The following CCNY variants were observed in gnomAD, a reference collection of about 807,000 sequenced individuals.
The protein encoded by CCNY is cyclin Y, also known as cyclin-Y.
A neutral mutation model predicts 42.8 loss-of-function variants in CCNY; 19 were observed. The observed-to-expected ratio is 0.44, with a 90% CI of 0.31 to 0.65. CCNY has a LOEUF of 0.65. Ranked by LOEUF, CCNY falls within the 30% of genes least tolerant of loss-of-function variation. CCNY has a pLI of 0.07. For synonymous variants in CCNY, 165 were observed against 162.7 expected, an observed-to-expected ratio of 1.01 and a Z score of -0.11; for missense variants, 370 against 437.3, an observed-to-expected ratio of 0.85 and a Z score of 1.37.
Position 35,251,639 on chromosome 10 carries a change from AAGAC to A in CCNY, c.-9+1016_-9+1019del, listed in dbSNP as rs1190717998. On this transcript the variant is annotated intron_variant, in intron 3 of 11. Transcript: ENST00000374706. ...GATCTCGCTCTGTCATGCAGGCTGG[AAGAC>A]AGTGGTACAATCACAGCTCACTGCA... Among the ~76,000 whole-genome samples, 4 of 149,640 alleles carry A rather than the reference AAGAC, an allele frequency of 2.7e-5. No individual in the cohort carries two copies. In the East Asian group the frequency reaches 5.9e-4, roughly 22 times the overall value.
intron 1 of CCNY, among the ~76,000 whole-genome samples, chr10:35,362,975 C>A (rs1426104092): frequency 6.6e-6 from 1 of 152,004 alleles, no homozygotes; most frequent in Non-Finnish European, 1.5e-5. Context: ...TCCTCACTTC[C>A]CAGACAGGGC....
At chr10:35,310,923 G>A (rs113816593) in intron 3 of CCNY, among the ~76,000 whole-genome samples, 1 of 151,994 alleles carries the variant, frequency 6.6e-6, no homozygotes, top group African/African-American at 2.4e-5. Context: ...GGAGGATTGC[G>A]TGAGTCCAGG....
intron 3 of CCNY, among the ~76,000 whole-genome samples, chr10:35,312,377 T>A (rs1306212984): frequency 1.8e-5 from 2 of 108,950 alleles, no homozygotes; most frequent in East Asian, 5.2e-4. Context: ...TGAGACTCTG[T>A]GTCACAAAAA....
intron 1 of CCNY, among the ~76,000 whole-genome samples, chr10:35,459,684 C>T (rs138366047): frequency 4.6e-4 from 70 of 152,254 alleles, no homozygotes; most frequent in African/African-American, 1.5e-3. Context: ...TTAGTAGTAG[C>T]GGGTTCCACC....
intron 7 of CCNY, among the ~76,000 whole-genome samples, chr10:35,537,208 A>G (rs986443488): frequency 1.3e-5 from 2 of 152,256 alleles, no homozygotes; most frequent in African/African-American, 4.8e-5. Context: ...GCAGGTGTCC[A>G]GAAGTCAAGA....
chr10:35,465,048 T>C (rs1839229103), intron 1 of CCNY, among the ~76,000 whole-genome samples: 1 of 152,170 alleles, frequency 6.6e-6, no homozygotes, highest in Non-Finnish European at 1.5e-5. Flanking sequence ...GCTAGGAGAT[T>C]CTTTCTTTGA....
chr10:35,509,279 G>T (rs1269990313), intron 3 of CCNY, among the ~76,000 whole-genome samples: 1 of 151,798 alleles, frequency 6.6e-6, no homozygotes, highest in Non-Finnish European at 1.5e-5. Flanking sequence ...CCCTTTTTTG[G>T]GGGCTGGGGG....
chr10:35,420,498 C>T (rs1045672532), intron 1 of CCNY, among the ~76,000 whole-genome samples: 32 of 152,182 alleles, frequency 2.1e-4, no homozygotes, highest in African/African-American at 7.5e-4. Flanking sequence ...TGCAACTACT[C>T]TTTCTGCATA....
rs113256172 is a variant in CCNY, at chr10:35,444,240, G to GT, written c.155-39158dup. On this transcript the variant is annotated intron_variant, in intron 1 of 9. Transcript: ENST00000374704. ...GCCTGAGGCTGTTTCACAGTTAACT[G>GT]TTTTTTGGCTTTTTTTTTTTTTTTT... Among the ~76,000 whole-genome samples the GT allele has an allele frequency of 3.7e-3, 543 of 147,776 alleles. 4 individuals are homozygous for GT. Among genetic ancestry groups the GT allele is most frequent in the African/African-American group, 0.013 (512 of 39,984 alleles).
At chr10:35,479,262 AC>A (rs1265127015) in intron 1 of CCNY, among the ~76,000 whole-genome samples, 2 of 152,006 alleles carry the variant, frequency 1.3e-5, no homozygotes, top group East Asian at 1.9e-4. Flanking sequence ...CTGGGTATAT[AC>A]CCAAAGGATT....
chr10:35,270,511 G>T (rs376191797), intron 3 of CCNY, among the ~76,000 whole-genome samples: 2 of 151,984 alleles, frequency 1.3e-5, no homozygotes, highest in Non-Finnish European at 2.9e-5. Flanking sequence ...TTCAGATTTT[G>T]TTCTCACTAT....
chr10:35,561,681 A>AT (rs1841469722), intron 8 of CCNY, among the ~76,000 whole-genome samples: 1 of 152,126 alleles, frequency 6.6e-6, no homozygotes, highest in African/African-American at 2.4e-5. Context: ...CCTTCCTGGT[A>AT]TTTTTGACCA....
chr10:35,382,257 C>G lies in CCNY; in HGVS notation c.154+45050C>G, dbSNP rs180828044. 2.9e-3 allele frequency among the ~76,000 whole-genome samples: 442 copies of G among 152,342 alleles called. 3 individuals carry two copies. The highest frequency in any genetic ancestry group is 0.01 in the African/African-American group (426 of 41,576). On this transcript the variant is annotated intron_variant, in intron 1 of 9. Coordinates refer to ENST00000374704, the MANE Select transcript of CCNY (RefSeq NM_145012.6). ...TACTCTGTGTCTGAAATTGCTGGCA[C>G]TTGGTACAGCTTTGTCTCACTTTGA...
chr10:35,404,335 G>T (rs1837710264), intron 1 of CCNY, among the ~76,000 whole-genome samples: 1 of 152,100 alleles, frequency 6.6e-6, no homozygotes, highest in African/African-American at 2.4e-5. Context: ...CTGCACTTTG[G>T]CTGTGTGTAA....
intron 3 of CCNY, among the ~76,000 whole-genome samples, chr10:35,262,257 C>CAAAA (rs1184383605): frequency 0.013 from 323 of 25,096 alleles, 46 homozygotes; most frequent in African/African-American, 0.028. Context: ...AACTCTGTCT[C>CAAAA]AAAAAAAAAA....
chr10:35,254,488 T>G (rs2095714133), intron 3 of CCNY, among the ~76,000 whole-genome samples: 1 of 152,140 alleles, frequency 6.6e-6, no homozygotes, highest in African/African-American at 2.4e-5. Context: ...GCTGACCTAT[T>G]ACATGTTATT....
intron 3 of CCNY, among the ~76,000 whole-genome samples, chr10:35,503,452 G>A (rs968586358): frequency 1.3e-5 from 2 of 152,142 alleles, no homozygotes; most frequent in East Asian, 1.9e-4. Context: ...GTCCTGCCAC[G>A]CTAGGAAAAG....
At chr10:35,356,710 A>G (rs1048100367) in intron 1 of CCNY, among the ~76,000 whole-genome samples, 72 of 152,194 alleles carry the variant, frequency 4.7e-4, no homozygotes, top group African/African-American at 1.7e-3. Context: ...TGGGCTTTGT[A>G]GTTGCAACGA....
chr10:35,508,911 C>T (rs1036977432), intron 3 of CCNY, among the ~76,000 whole-genome samples: 1 of 152,172 alleles, frequency 6.6e-6, no homozygotes, highest in Non-Finnish European at 1.5e-5. Flanking sequence ...GTCATTCCTA[C>T]TCCTTCCCCT....
Sources: gnomAD v4.1 joint callset for allele counts (sites outside exome capture counted in the v4.1 genomes callset) on GRCh38, gnomAD v4.1.1 for gene constraint, MANE v1.5 for transcripts, NCBI Gene and HGNC (gene_info 2026-07-23, HGNC 2026-07-21) for gene names.